The following FRMD4A variants were observed in gnomAD, a reference collection of about 807,000 sequenced individuals.
The protein encoded by FRMD4A is FERM domain containing 4A, also known as FERM domain-containing protein 4A.
A neutral mutation model predicts 129.1 loss-of-function variants in FRMD4A; 29 were observed. The observed-to-expected ratio is 0.22, with a 90% CI of 0.17 to 0.31. FRMD4A has a LOEUF of 0.31. Ranked by LOEUF, FRMD4A falls within the 10% of genes least tolerant of loss-of-function variation. FRMD4A has a pLI of 1.00. For synonymous variants in FRMD4A, 634 were observed against 571.6 expected (o/e 1.11, Z -1.56); for missense variants, 1,272 against 1,375.8 (o/e 0.92, Z 1.19).
chr10:13,746,205 A>G (rs920097985), intron 9 of FRMD4A, among the ~76,000 whole-genome samples: 1 of 151,826 alleles, frequency 6.6e-6, no homozygotes, highest in South Asian at 2.1e-4. Flanking sequence ...TATGAGCCAG[A>G]GTTGTTTTTT....
intron 2 of FRMD4A, among the ~76,000 whole-genome samples, chr10:14,067,619 C>G (rs1835124378): frequency 6.6e-6 from 1 of 151,960 alleles, no homozygotes; most frequent in Non-Finnish European, 1.5e-5. Context: ...GAGTTCAAGA[C>G]CAGCCTGGCC....
chr10:14,203,444 G>C (rs985749956), intron 2 of FRMD4A, among the ~76,000 whole-genome samples: 3 of 152,158 alleles, frequency 2.0e-5, no homozygotes, highest in African/African-American at 7.2e-5. Flanking sequence ...TTTGACTGAA[G>C]ATAACACTAG....
intron 2 of FRMD4A, among the ~76,000 whole-genome samples, chr10:14,077,573 T>G (rs1305261801): frequency 6.6e-6 from 1 of 152,188 alleles, no homozygotes; most frequent in Admixed American, 6.5e-5. Context: ...CCCTTCCATT[T>G]GAGTGGTGAG....
At chr10:14,301,068 T>C (rs1846169387) in intron 2 of FRMD4A, among the ~76,000 whole-genome samples, 1 of 152,098 alleles carries the variant, frequency 6.6e-6, no homozygotes, top group African/African-American at 2.4e-5. Flanking sequence ...TGTGACCAAG[T>C]CCCCTGTAAA....
intron 2 of FRMD4A, among the ~76,000 whole-genome samples, chr10:14,229,323 G>T (rs1192501987): frequency 6.6e-6 from 1 of 151,996 alleles, no homozygotes; most frequent in African/African-American, 2.4e-5. Context: ...AAACCAAGTT[G>T]GTTGCATGGG....
Position 13,706,006 on chromosome 10 carries a change from C to T in FRMD4A, c.836+1031G>A, listed in dbSNP as rs563389137. Among the ~76,000 whole-genome samples, 8 of 152,230 alleles carry T rather than the reference C, an allele frequency of 5.3e-5. No individual in the cohort carries two copies. The East Asian group carries it at 5.8e-4, about 11-fold the overall frequency. On this transcript the variant is annotated intron_variant, in intron 13 of 24. Transcript: ENST00000357447. ...CACAGGTCCAAGCCCTCTCACTGGG[C>T]GGGGTAACTCCAAATCTCCCTCCTG...
At chr10:13,660,830 G>A (rs551715703) in intron 19 of FRMD4A, among the ~76,000 whole-genome samples, 4 of 152,312 alleles carry the variant, frequency 2.6e-5, no homozygotes, top group Non-Finnish European at 4.4e-5. Context: ...AAGTCTGAAC[G>A]TCATTAAATA....
Position 13,657,424 on chromosome 10 carries a change from T to C in FRMD4A, c.2165A>G (p.Glu722Gly). 1 of 1,608,094 alleles carries C rather than the reference T, an allele frequency of 6.2e-7. No homozygotes were observed. ...GAAGTCGGGGCTCCCGGTGTCGTTT[T>C]CCGAGCCCAGGAGCTTGCCCTGGGA... ...LESQGKLLGSENDTGSPDFYT... is the reference protein window; with the variant it reads ...LESQGKLLGSGNDTGSPDFYT... Residue 722 changes from glutamate (E) to glycine (G), a missense_variant, in exon 22 of 25, where the codon GAA becomes GGA. Transcript: ENST00000357447.
intron 2 of FRMD4A, among the ~76,000 whole-genome samples, chr10:14,201,677 A>G (rs1303433873): frequency 6.6e-6 from 1 of 152,100 alleles, no homozygotes; most frequent in Non-Finnish European, 1.5e-5. Context: ...GCCAAACCCA[A>G]CCTTCAAAAT....
At chr10:14,244,296 C>A (rs911378647) in intron 2 of FRMD4A, among the ~76,000 whole-genome samples, 1 of 152,214 alleles carries the variant, frequency 6.6e-6, no homozygotes, top group Non-Finnish European at 1.5e-5. Context: ...CCCTTCCAGG[C>A]GCCAGAATGC....
chr10:13,738,489 T>C (rs2090782698), intron 11 of FRMD4A, among the ~76,000 whole-genome samples: 1 of 152,172 alleles, frequency 6.6e-6, no homozygotes, highest in African/African-American at 2.4e-5. Flanking sequence ...CTGGAAGGTG[T>C]CACCCTGAGG....
In FRMD4A at chr10:13,883,727, A is replaced by C. The variant is rs1025404795; in HGVS notation, c.46-24815T>G. Among the ~76,000 whole-genome samples the C allele has an allele frequency of 3.9e-5, 6 of 152,340 alleles. No homozygotes were observed. In the South Asian group the frequency reaches 1.2e-3, roughly 32 times the overall value. On this transcript the variant is annotated intron_variant, in intron 2 of 24. Transcript: ENST00000357447. ...TAAAGTAAGGAAGGAACCACAAACAAATACCAGCTTATAATTTCTCCATCA... is the reference window on the plus strand; with the variant it reads ...TAAAGTAAGGAAGGAACCACAAACACATACCAGCTTATAATTTCTCCATCA...
chr10:13,711,116 G>A (rs887676832), intron 12 of FRMD4A, among the ~76,000 whole-genome samples: 1 of 152,224 alleles, frequency 6.6e-6, no homozygotes, highest in Admixed American at 6.5e-5. Flanking sequence ...GGGAGGGGGT[G>A]AGCTAGGGAG....
At chr10:14,005,444 A>G (rs1047528875) in intron 2 of FRMD4A, among the ~76,000 whole-genome samples, 2 of 152,208 alleles carry the variant, frequency 1.3e-5, no homozygotes, top group African/African-American at 4.8e-5. Flanking sequence ...TCTAAGTTGC[A>G]GGGTTAAGAA....
At chr10:13,727,986 C>G (rs1214381744) in intron 12 of FRMD4A, 2 of 152,232 alleles carry the variant, frequency 1.3e-5, no homozygotes, top group African/African-American at 4.8e-5. Context: ...GACATAGTCT[C>G]TCTTGTTCTG....
intron 2 of FRMD4A, among the ~76,000 whole-genome samples, chr10:14,091,371 G>T (rs1478576154): frequency 2.6e-5 from 4 of 152,128 alleles, no homozygotes; most frequent in African/African-American, 9.6e-5. Context: ...TGTGTATAAA[G>T]GTTTTTTTTA....
chr10:13,711,153 G>A (rs1327555942), intron 12 of FRMD4A, among the ~76,000 whole-genome samples: 2 of 152,234 alleles, frequency 1.3e-5, no homozygotes, highest in African/African-American at 2.4e-5. Context: ...GTAGGGACCA[G>A]GAGGGTGGAA....
At chr10:13,909,042 A>C (rs2094912251) in intron 2 of FRMD4A, among the ~76,000 whole-genome samples, 1 of 151,392 alleles carries the variant, frequency 6.6e-6, no homozygotes, top group South Asian at 2.1e-4. Flanking sequence ...ATTCTTTTTC[A>C]CTCTCTTATT....
chr10:13,948,548 C>A (rs987277795), intron 2 of FRMD4A, among the ~76,000 whole-genome samples: 2 of 151,768 alleles, frequency 1.3e-5, no homozygotes, highest in Non-Finnish European at 2.9e-5. Context: ...GGGTTAGGAG[C>A]ATTTTGCAGG....
Sources: allele counts gnomAD v4.1 joint callset (sites outside exome capture counted in the v4.1 genomes callset), GRCh38; gene constraint gnomAD v4.1.1; transcripts MANE v1.5; gene names NCBI Gene and HGNC (gene_info 2026-07-23, HGNC 2026-07-21).